ARB2A: variants seen among roughly 807,000 people sequenced by gnomAD.
ARB2A encodes cotranscriptional regulator ARB2A.
At chr5:94,002,321 C>T in the ARB2A span, among the ~76,000 whole-genome samples, 1 of 152,084 alleles carries the variant, frequency 6.6e-6, no homozygotes, top group Non-Finnish European at 1.5e-5. Flanking sequence ...CTATGAGAAC[C>T]TGGTTGAGCT....
chr5:93,992,925 T>C, the ARB2A span, among the ~76,000 whole-genome samples: 1 of 152,050 alleles, frequency 6.6e-6, no homozygotes, highest in African/African-American at 2.4e-5. Context: ...AAAATAGATT[T>C]TGTTCCAGAA....
At chr5:94,070,158 G>A in the ARB2A span, among the ~76,000 whole-genome samples, 47 of 152,044 alleles carry the variant, frequency 3.1e-4, no homozygotes, top group Admixed American at 3.1e-3. Context: ...TCCATAAGAA[G>A]AATAAAATCA....
the ARB2A span, among the ~76,000 whole-genome samples, chr5:93,884,598 C>T: frequency 6.6e-6 from 1 of 151,364 alleles, no homozygotes; most frequent in African/African-American, 2.4e-5. Context: ...ATTTAAACAC[C>T]CAAACTATTT....
chr5:93,802,329 G>C, the ARB2A span, among the ~76,000 whole-genome samples: 2 of 151,026 alleles, frequency 1.3e-5, no homozygotes, highest in Admixed American at 6.6e-5. Context: ...CATAAATGGG[G>C]GCAAAAAAGA....
chr5:93,861,045 G>C, the ARB2A span: 1 of 152,074 alleles, frequency 6.6e-6, no homozygotes, highest in African/African-American at 2.4e-5. Flanking sequence ...CTGAACTCCA[G>C]TTTTGGTTTC....
the ARB2A span, among the ~76,000 whole-genome samples, chr5:94,099,130 G>C: frequency 6.6e-6 from 1 of 152,026 alleles, no homozygotes; most frequent in African/African-American, 2.4e-5. Flanking sequence ...TCATTCTATG[G>C]GGCCAGCATC....
At chr5:94,106,510 C>T in the ARB2A span, among the ~76,000 whole-genome samples, 1 of 152,012 alleles carries the variant, frequency 6.6e-6, no homozygotes, top group Non-Finnish European at 1.5e-5. Flanking sequence ...AAACTGAATG[C>T]TTATACAGTG....
chr5:93,741,302 C>T, the ARB2A span: 5 of 1,613,654 alleles, frequency 3.1e-6, no homozygotes, highest in South Asian at 5.5e-5. Flanking sequence ...CAGTCCCCTG[C>T]CTCACTAGCT....
the ARB2A span, among the ~76,000 whole-genome samples, chr5:94,093,666 A>G: frequency 6.6e-6 from 1 of 152,198 alleles, no homozygotes; most frequent in Non-Finnish European, 1.5e-5. Flanking sequence ...TCCTTATCAC[A>G]TGCAAAATGC....
At chr5:94,050,924 AT>A in the ARB2A span, 17 of 908,012 alleles carry the variant, frequency 1.9e-5, no homozygotes, top group Non-Finnish European at 2.6e-5. Context: ...AAAATTTAAA[AT>A]AACTTTCTCA....
chr5:93,840,811 C>T, the ARB2A span, among the ~76,000 whole-genome samples: 1 of 152,126 alleles, frequency 6.6e-6, no homozygotes, highest in Non-Finnish European at 1.5e-5. Flanking sequence ...AGTGTGATTG[C>T]AAGCCAGTCT....
At chr5:93,840,711 T>C in the ARB2A span, among the ~76,000 whole-genome samples, 141,699 of 152,190 alleles carry the variant, frequency 0.93, 66,077 homozygotes, top group East Asian at 1. Context: ...CTCATTTGGT[T>C]TTTACATTAG....
the ARB2A span, among the ~76,000 whole-genome samples, chr5:93,933,569 G>A: frequency 7.9e-5 from 12 of 152,094 alleles, no homozygotes; most frequent in South Asian, 4.1e-4. Context: ...ACCAAACACC[G>A]CATGTTCTCA....
At chr5:93,842,183 C>A in the ARB2A span, among the ~76,000 whole-genome samples, 3 of 152,078 alleles carry the variant, frequency 2.0e-5, no homozygotes, top group Non-Finnish European at 4.4e-5. Flanking sequence ...CAAAGGGGCA[C>A]AAGAGGAAAC....
chr5:93,627,592 G>A, the ARB2A span, among the ~76,000 whole-genome samples: 7 of 151,690 alleles, frequency 4.6e-5, no homozygotes, highest in African/African-American at 9.7e-5. Flanking sequence ...TTACAGGTGC[G>A]CACCACCACG....
At chr5:93,859,547 T>G in the ARB2A span, among the ~76,000 whole-genome samples, 1 of 152,160 alleles carries the variant, frequency 6.6e-6, no homozygotes, top group Non-Finnish European at 1.5e-5. Context: ...TTTTAAAATA[T>G]TTTTAAAAAG....
chr5:93,919,474 A>T, the ARB2A span, among the ~76,000 whole-genome samples: 1 of 152,162 alleles, frequency 6.6e-6, no homozygotes, highest in African/African-American at 2.4e-5. Context: ...GTTTTATTTC[A>T]TTGTAGAATA....
the ARB2A span, among the ~76,000 whole-genome samples, chr5:93,884,439 A>G: frequency 5.3e-5 from 8 of 151,754 alleles, no homozygotes; most frequent in South Asian, 1.7e-3. Context: ...ACTGAAAATT[A>G]CATGACTCAT....
At chr5:93,667,834 C>T in the ARB2A span, among the ~76,000 whole-genome samples, 1 of 152,122 alleles carries the variant, frequency 6.6e-6, no homozygotes, top group Non-Finnish European at 1.5e-5. Flanking sequence ...TAGGTAAATT[C>T]ATATCACAGC....
Sources: allele counts gnomAD v4.1 joint callset (sites outside exome capture counted in the v4.1 genomes callset), GRCh38; gene constraint gnomAD v4.1.1; transcripts MANE v1.5; gene names NCBI Gene and HGNC (gene_info 2026-07-23, HGNC 2026-07-21).